The following NREP variants were observed in gnomAD, a reference collection of about 807,000 sequenced individuals.
NREP encodes neuronal regeneration related protein, also known as neuronal regeneration-related protein.
A neutral mutation model predicts 8.6 loss-of-function variants in NREP; 5 were observed. The observed-to-expected ratio is 0.58, with a 90% CI of 0.30 to 1.22. NREP has a LOEUF of 1.22. Among genes scored for constraint, NREP ranks in the 50% most tolerant of loss-of-function variants. NREP has a pLI of 0.07. For missense variants in NREP, 86 were observed against 82.5 expected (o/e 1.04, Z -0.17); for synonymous variants, 27 against 28.0 (o/e 0.96, Z 0.11).
rs58353090 is a variant in NREP at position 111,730,539 on chromosome 5, T to TGG, written c.*380_*381dup. ...TGTTACATCTAAATGAAAAAAAAGGTGGGGGGGGGACTCTCAGCCTCTGCA... is the reference window on the plus strand; with the variant it reads ...TGTTACATCTAAATGAAAAAAAAGGTGGGGGGGGGGGACTCTCAGCCTCTGCA... On this transcript the variant is annotated 3_prime_UTR_variant, in exon 4 of 4. Coordinates refer to ENST00000257435, the MANE Select transcript of NREP (RefSeq NM_004772.4). 0.39 allele frequency: 58,277 copies of TGG among 150,284 alleles called. 11,288 individuals are homozygous for TGG. The highest frequency in any genetic ancestry group is 0.5 in the South Asian group (2,370 of 4,738). The allele number at this position is 150,284 out of a possible 1,614,324, so 9.3% of individuals were successfully genotyped here.
At chr5:111,924,496 G>A (rs987402506) in intron 2 of NREP, among the ~76,000 whole-genome samples, 2 of 152,052 alleles carry the variant, frequency 1.3e-5, no homozygotes, top group South Asian at 4.1e-4. Flanking sequence ...TAGCACTGTG[G>A]GCCATTTCAT....
intron 2 of NREP, among the ~76,000 whole-genome samples, chr5:111,841,494 A>G (rs1169270470): frequency 6.6e-6 from 1 of 152,178 alleles, no homozygotes; most frequent in East Asian, 1.9e-4. Context: ...CCAATAGGAT[A>G]TAAGGCCAGG....
intron 2 of NREP, among the ~76,000 whole-genome samples, chr5:111,808,696 C>G (rs535474981): frequency 6.6e-6 from 1 of 152,142 alleles, no homozygotes; most frequent in East Asian, 1.9e-4. Flanking sequence ...TTTAAGGAAG[C>G]CTTCCTTGTG....
At chr5:111,907,204 C>T (rs1428993500) in intron 2 of NREP, among the ~76,000 whole-genome samples, 1 of 152,046 alleles carries the variant, frequency 6.6e-6, no homozygotes, top group Non-Finnish European at 1.5e-5. Flanking sequence ...TGAAGTCTGG[C>T]ATCAATTTTT....
chr5:111,849,157 C>A (rs983606694), intron 2 of NREP, among the ~76,000 whole-genome samples: 1 of 152,076 alleles, frequency 6.6e-6, no homozygotes, highest in Non-Finnish European at 1.5e-5. Context: ...CAGATATGAA[C>A]AAAACTCAGT....
chr5:111,858,814 A>G (rs921552256), intron 2 of NREP, among the ~76,000 whole-genome samples: 10 of 152,210 alleles, frequency 6.6e-5, no homozygotes, highest in Admixed American at 6.5e-5. Flanking sequence ...TTCCTCTACC[A>G]TTATGCTAAA....
chr5:111,767,479 C>T (rs1371658600), intron 2 of NREP, among the ~76,000 whole-genome samples: 7 of 152,120 alleles, frequency 4.6e-5, no homozygotes, highest in Non-Finnish European at 1.0e-4. Flanking sequence ...ATAAACTCAG[C>T]TAATCCAAAA....
intron 2 of NREP, among the ~76,000 whole-genome samples, chr5:111,960,975 G>C (rs938712806): frequency 2.0e-5 from 3 of 152,158 alleles, no homozygotes; most frequent in African/African-American, 4.8e-5. Context: ...AACATTTATT[G>C]AGTCATAAAA....
At chr5:111,932,598 C>A (rs1019854613) in intron 2 of NREP, among the ~76,000 whole-genome samples, 4 of 152,186 alleles carry the variant, frequency 2.6e-5, no homozygotes, top group Non-Finnish European at 5.9e-5. Flanking sequence ...TATTAAACAA[C>A]AACATTTTGC....
At chr5:111,770,800 G>A (rs1235830329) in intron 2 of NREP, among the ~76,000 whole-genome samples, 1 of 151,862 alleles carries the variant, frequency 6.6e-6, no homozygotes, top group Non-Finnish European at 1.5e-5. Context: ...TAATTTCTGG[G>A]CTCAAGCCAT....
At chr5:111,939,886 C>A (rs1049470554) in intron 2 of NREP, among the ~76,000 whole-genome samples, 23 of 152,016 alleles carry the variant, frequency 1.5e-4, no homozygotes, top group Non-Finnish European at 7.4e-5. Context: ...AATACGTTAT[C>A]TTTAAAAAGA....
chr5:111,804,012 G>T (rs944825900), intron 2 of NREP, among the ~76,000 whole-genome samples: 1 of 151,940 alleles, frequency 6.6e-6, no homozygotes, highest in Non-Finnish European at 1.5e-5. Context: ...TTTTTCCCTG[G>T]ATCTAACAAG....
chr5:111,779,777 T>C (rs973968258), intron 2 of NREP, among the ~76,000 whole-genome samples: 9 of 152,188 alleles, frequency 5.9e-5, no homozygotes, highest in Non-Finnish European at 1.2e-4. Context: ...GACTTAACAG[T>C]AGGCTTTGGA....
At chr5:111,968,460 T>C (rs1238153228) in intron 2 of NREP, among the ~76,000 whole-genome samples, 3 of 152,174 alleles carry the variant, frequency 2.0e-5, no homozygotes, top group African/African-American at 7.2e-5. Flanking sequence ...GAAGTTGTTA[T>C]ACAGAAAGAT....
At chr5:111,799,773 C>G (rs1481243195) in intron 2 of NREP, among the ~76,000 whole-genome samples, 1 of 152,170 alleles carries the variant, frequency 6.6e-6, no homozygotes, top group Non-Finnish European at 1.5e-5. Context: ...TTATTTACTT[C>G]AGAAATTATT....
intron 2 of NREP, among the ~76,000 whole-genome samples, chr5:111,786,424 C>A (rs949291669): frequency 6.6e-6 from 1 of 152,166 alleles, no homozygotes; most frequent in Non-Finnish European, 1.5e-5. Context: ...GTTAAAATAT[C>A]CCACAGTGCC....
chr5:111,932,073 T>C (rs1234079248), intron 2 of NREP, among the ~76,000 whole-genome samples: 1 of 150,704 alleles, frequency 6.6e-6, no homozygotes, highest in East Asian at 1.9e-4. Context: ...ACTTTGAGTT[T>C]TAAAATAAAA....
intron 2 of NREP, among the ~76,000 whole-genome samples, chr5:111,803,943 C>G (rs1437268210): frequency 6.6e-6 from 1 of 152,154 alleles, no homozygotes; most frequent in Non-Finnish European, 1.5e-5. Context: ...ATGAACATAT[C>G]AGTTCTCCAT....
chr5:111,867,653 G>C (rs1444786285), intron 2 of NREP, among the ~76,000 whole-genome samples: 1 of 152,064 alleles, frequency 6.6e-6, no homozygotes, highest in Admixed American at 6.6e-5. Flanking sequence ...GAAATTTTTG[G>C]TTGAATATTA....
Sources: gnomAD v4.1 joint callset for allele counts (sites outside exome capture counted in the v4.1 genomes callset) on GRCh38, gnomAD v4.1.1 for gene constraint, MANE v1.5 for transcripts, NCBI Gene and HGNC (gene_info 2026-07-23, HGNC 2026-07-21) for gene names.